APBA2: variants seen among roughly 807,000 people sequenced by gnomAD.
APBA2 encodes the protein amyloid beta precursor protein binding family A member 2, also known as amyloid-beta A4 precursor protein-binding family A member 2.
A neutral mutation model predicts 75.0 loss-of-function variants in APBA2; 30 were observed. That is an observed-to-expected ratio of 0.40 (90% CI 0.30 to 0.54). The LOEUF (loss-of-function observed/expected upper bound fraction) is 0.54. Among genes scored for constraint, APBA2 ranks in the 20% least tolerant of loss-of-function variants. The probability of loss-of-function intolerance (pLI) is 0.49; values close to 1 mark genes in which losing one functional copy is unlikely to be tolerated. For missense variants in APBA2, 801 were observed against 1,016.1 expected, an observed-to-expected ratio of 0.79 and a Z score of 2.88; for synonymous variants, 444 against 409.6, an observed-to-expected ratio of 1.08 and a Z score of -1.01.
At chr15:29,047,181 T>A (rs2041377987) in intron 3 of APBA2, among the ~76,000 whole-genome samples, 1 of 152,216 alleles carries the variant, frequency 6.6e-6, no homozygotes, top group Non-Finnish European at 1.5e-5. Flanking sequence ...GCTCTTTGTC[T>A]TATACCAAAA....
At chr15:28,954,259 C>T (rs1354096889) in intron 2 of APBA2, among the ~76,000 whole-genome samples, 1 of 152,132 alleles carries the variant, frequency 6.6e-6, no homozygotes, top group East Asian at 1.9e-4. Context: ...CATACCTTCC[C>T]ACCCAAGTCT....
chr15:29,071,794 A>G (rs959153771), intron 4 of APBA2, among the ~76,000 whole-genome samples: 1 of 151,698 alleles, frequency 6.6e-6, no homozygotes, highest in Non-Finnish European at 1.5e-5. Context: ...TGTGGTTGTC[A>G]TGGTGACAAG....
rs1273184337 is a variant in APBA2, at chr15:29,053,964, A to G, written c.80A>G (p.Gln27Arg). The G allele has an allele frequency of 6.2e-7, 1 of 1,614,076 alleles. No homozygotes were observed. The change falls in exon 4 of 15, where the codon CAG (glutamine) becomes CGG (arginine). Residue 27 changes from glutamine to arginine, a missense_variant. Physicochemically the swap from Gln to Arg is conservative, Grantham distance 43. Coordinates refer to ENST00000683413, the MANE Select transcript of APBA2 (RefSeq NM_001353788.2). ...AGACCAGGTCCTGTCCCTCACAGCC[A>G]GGAGCCCGAGAGCGAGGACATGGAG... The part of the protein sequence containing the change: ...RVRPGPVPHS[Q>R]EPESEDMELP...
At chr15:29,012,055 C>G (rs1428415058) in intron 3 of APBA2, among the ~76,000 whole-genome samples, 3 of 152,158 alleles carry the variant, frequency 2.0e-5, no homozygotes, top group African/African-American at 4.8e-5. Flanking sequence ...CATCCTGTAC[C>G]TACTTTTCCC....
chr15:28,886,658 C>G (rs963036693), intron 1 of APBA2, among the ~76,000 whole-genome samples: 2 of 152,140 alleles, frequency 1.3e-5, no homozygotes, highest in Non-Finnish European at 2.9e-5. Context: ...TGCTTGGCAC[C>G]GGCATCAAGT....
intron 6 of APBA2, among the ~76,000 whole-genome samples, chr15:29,084,485 A>T (rs1007505054): frequency 6.6e-6 from 1 of 152,238 alleles, no homozygotes; most frequent in Non-Finnish European, 1.5e-5. Context: ...TTCTAAAGCA[A>T]ATCTCAGATC....
intron 4 of APBA2, among the ~76,000 whole-genome samples, chr15:29,069,027 G>A (rs573213761): frequency 6.6e-6 from 1 of 151,972 alleles, no homozygotes; most frequent in South Asian, 2.1e-4. Flanking sequence ...TCTTCCCTCC[G>A]CCCCCAGCCC....
intron 2 of APBA2, among the ~76,000 whole-genome samples, chr15:28,973,606 T>C (rs552731222): frequency 6.6e-6 from 1 of 152,342 alleles, no homozygotes; most frequent in Non-Finnish European, 1.5e-5. Flanking sequence ...GCGAAGGCAC[T>C]GATAGTATTT....
At chr15:29,099,220 G>A (rs888972841) in intron 9 of APBA2, among the ~76,000 whole-genome samples, 5 of 152,264 alleles carry the variant, frequency 3.3e-5, no homozygotes, top group Admixed American at 1.3e-4. Flanking sequence ...CCAACCCTCC[G>A]AGCCCCATGC....
chr15:28,952,185 T>C (rs929468581), intron 2 of APBA2, among the ~76,000 whole-genome samples: 2 of 152,160 alleles, frequency 1.3e-5, no homozygotes, highest in East Asian at 3.9e-4. Flanking sequence ...CTTGGACAAC[T>C]TACTGTGTAG....
intron 13 of APBA2, among the ~76,000 whole-genome samples, chr15:29,111,919 C>G (rs916940257): frequency 1.3e-5 from 2 of 152,174 alleles, no homozygotes; most frequent in African/African-American, 4.8e-5. Flanking sequence ...CCCCTCGTCC[C>G]TCACAGCGTG....
intron 2 of APBA2, among the ~76,000 whole-genome samples, chr15:28,962,770 C>T (rs2036545208): frequency 6.6e-6 from 1 of 151,992 alleles, no homozygotes. Flanking sequence ...CTTCCACTAG[C>T]TTTAAGTATG....
chr15:29,019,890 A>G (rs1472751320), intron 3 of APBA2, among the ~76,000 whole-genome samples: 1 of 152,250 alleles, frequency 6.6e-6, no homozygotes, highest in Non-Finnish European at 1.5e-5. Context: ...TTTACCAGAT[A>G]CTGTCAGGTT....
rs910913080 is a variant in APBA2 at position 29,021,056 on chromosome 15, TTTTG to T, written c.-41+25254_-41+25257del. ...GGAAGTGAGAGAATGGGGAAATCCGTTTTGTTTATCTTAATTCTTTCCATATAAA... is the reference window on the plus strand; with the variant it reads ...GGAAGTGAGAGAATGGGGAAATCCGTTTTATCTTAATTCTTTCCATATAAA... On this transcript the variant is annotated intron_variant, in intron 3 of 14. Transcript: ENST00000683413. Among the ~76,000 whole-genome samples the T allele has an allele frequency of 3.3e-5, 5 of 152,152 alleles. No homozygotes were observed. In the East Asian group the frequency reaches 9.7e-4, roughly 29 times the overall value.
intron 14 of APBA2, among the ~76,000 whole-genome samples, chr15:29,115,943 G>A (rs2045087477): frequency 6.6e-6 from 1 of 151,314 alleles, no homozygotes; most frequent in African/African-American, 2.5e-5. Context: ...GCATGCCTGC[G>A]GCAGCTGACC....
At chr15:29,014,587 C>CA (rs1264602602) in intron 3 of APBA2, among the ~76,000 whole-genome samples, 1 of 152,130 alleles carries the variant, frequency 6.6e-6, no homozygotes, top group Non-Finnish European at 1.5e-5. Context: ...TTGGGCAGTG[C>CA]AGATAGAACA....
intron 2 of APBA2, among the ~76,000 whole-genome samples, chr15:28,980,655 C>T (rs78552951): frequency 0.01 from 1,560 of 152,302 alleles, 41 homozygotes; most frequent in African/African-American, 0.036. Flanking sequence ...TCCTATCAAA[C>T]TGCCAAGGCC....
At chr15:29,047,249 G>A (rs993850754) in intron 3 of APBA2, among the ~76,000 whole-genome samples, 3 of 152,180 alleles carry the variant, frequency 2.0e-5, no homozygotes, top group African/African-American at 7.2e-5. Flanking sequence ...GCTGCCTTCT[G>A]GGTAGCTGCT....
At chr15:28,917,026 C>CA in intron 1 of APBA2, among the ~76,000 whole-genome samples, 1 of 152,146 alleles carries the variant, frequency 6.6e-6, no homozygotes, top group Non-Finnish European at 1.5e-5. Context: ...GGAAAGCTAG[C>CA]AAAAAAGCAA....
Sources: gnomAD v4.1 joint callset for allele counts (sites outside exome capture counted in the v4.1 genomes callset) on GRCh38, gnomAD v4.1.1 for gene constraint, MANE v1.5 for transcripts, NCBI Gene and HGNC (gene_info 2026-07-23, HGNC 2026-07-21) for gene names.